Variants in NEB observed in about 807,000 individuals in gnomAD.
NEB encodes the protein nebulin, also known as nemaline myopathy type 2.
A neutral mutation model predicts 952.2 loss-of-function variants in NEB; 512 were observed. The observed-to-expected ratio is 0.54, with a 90% confidence interval of 0.50 to 0.58. The LOEUF (loss-of-function observed/expected upper bound fraction) is 0.58, where lower values mean the gene tolerates loss of function less well. Ranked by LOEUF, NEB falls within the 20% of genes least tolerant of loss-of-function variation. The probability of loss-of-function intolerance (pLI) is 0.00; values close to 1 mark genes in which losing one functional copy is unlikely to be tolerated. For synonymous variants in NEB, 2,900 were observed against 3,149.8 expected (o/e 0.92, Z 2.66); for missense variants, 8,428 against 9,231.1 (o/e 0.91, Z 3.56).
In NEB at chr2:151,501,395, C is replaced by G; in HGVS notation, c.24017G>C (p.Ser8006Thr). ...ERVKLNQENFSSVLYKENVGK... is the reference protein window; with the variant it reads ...ERVKLNQENFTSVLYKENVGK... ...AAAGAGCTTTCTCCCAAATACCGAG[C>G]TAAAGTTTTCTTGATTGAGTTTGAC... The change falls in exon 168 of 182, where the codon AGC (serine) becomes ACC (threonine). Residue 8006 changes from serine to threonine, a missense_variant. Coordinates refer to ENST00000397345, the MANE Select transcript of NEB (RefSeq NM_001164508.2). The G allele has an allele frequency of 1.9e-6, 3 of 1,546,286 alleles. No homozygotes were observed. The highest frequency in any genetic ancestry group is 2.6e-6 in the Non-Finnish European group (3 of 1,142,720).
intron 134 of NEB, 93 bp from the exon 135 acceptor site, chr2:151,546,091 C>A: frequency 1.1e-6 from 1 of 886,568 alleles, no homozygotes; most frequent in Non-Finnish European, 1.7e-6. Context: ...CATGTGTAAG[C>A]TGAGCAGGGC....
intron 23 of NEB, 91 bp downstream of exon 23, chr2:151,691,773 A>T: frequency 1.0e-6 from 1 of 952,392 alleles, no homozygotes; most frequent in Non-Finnish European, 1.7e-6. Context: ...TCTAATCACT[A>T]GATATTAGCA....
chr2:151,553,424 T>G lies in NEB; in HGVS notation c.19705A>C (p.Lys6569Gln), dbSNP rs775171899. 3.1e-6 allele frequency: 5 copies of G among 1,613,414 alleles called. No homozygotes were observed. Among genetic ancestry groups the G allele is most frequent in the Middle Eastern group, 1.7e-4 (1 of 6,056 alleles). The change falls in exon 127 of 182, where the codon AAG becomes CAG. Residue 6569 changes from lysine to glutamine, a missense_variant. Physicochemically the swap from Lys to Gln is moderately conservative, Grantham distance 53. Coordinates refer to ENST00000397345, the MANE Select transcript of NEB (RefSeq NM_001164508.2). ...VWDTPEILHAKHAYDLRDDIK... is the reference protein window; with the variant it reads ...VWDTPEILHAQHAYDLRDDIK... ...TCATCACGTAGATCATAAGCATGCT[T>G]GGCATGGAGGATTTCAGGAGTGTCC...
At position 151,527,002 on chromosome 2, in the gene NEB, C is replaced by T. The variant is rs372808358; in HGVS notation, c.21861G>A (p.Arg7287=). The change falls in exon 148 of 182, where the codon CGG becomes CGA. Residue 7287 remains arginine, a synonymous_variant. Coordinates refer to ENST00000397345, the MANE Select transcript of NEB (RefSeq NM_001164508.2). ...AAAGCTTGCAACCCTTGAGGAACTC[C>T]CGGTCCAGCTTATATTCAAACTGTG... The part of the protein sequence containing the change: ...QQSDFEYKLD[R]EFLKGCKLSV... 245 of 1,599,036 alleles carry T rather than the reference C, an allele frequency of 1.5e-4. No individual in the cohort carries two copies. The highest frequency in any genetic ancestry group is 8.2e-4 in the Middle Eastern group (5 of 6,064).
At chr2:151,652,393 T>A (rs967543392) in intron 52 of NEB, among the ~76,000 whole-genome samples, 2 of 151,962 alleles carry the variant, frequency 1.3e-5, no homozygotes. Context: ...GCCCAGCTAA[T>A]TTTTTATTTT....
Position 151,659,057 on chromosome 2 carries a change from A to G in NEB, c.6075+8T>C. ...GAGAAAGATGACAACAGGGGGAACT[A>G]TACTTACATCACTCATATTAATTGC... On this transcript the variant is annotated splice_region_variant and intron_variant, in intron 47 of 181. Coordinates refer to ENST00000397345, the MANE Select transcript of NEB (RefSeq NM_001164508.2). 2 of 1,549,536 alleles carry G rather than the reference A, an allele frequency of 1.3e-6. No homozygotes were observed. Among genetic ancestry groups the G allele is most frequent in the Non-Finnish European group, 1.8e-6 (2 of 1,121,294 alleles).
At chr2:151,640,816 T>A in intron 60 of NEB, 150 bp from the exon 61 acceptor site, 1 of 674,848 alleles carries the variant, frequency 1.5e-6, no homozygotes. Flanking sequence ...AAAATAAATA[T>A]AGCACATATC....
chr2:151,656,265 G>T lies in NEB; in HGVS notation c.6383C>A (p.Ala2128Asp). The T allele has an allele frequency of 6.2e-7, 1 of 1,613,494 alleles. No homozygotes were observed. Among genetic ancestry groups the T allele is most frequent in the Non-Finnish European group, 8.5e-7 (1 of 1,179,644 alleles). The change falls in exon 49 of 182, where the codon GCC (alanine) becomes GAC (aspartate). Residue 2128 changes from alanine (A) to aspartate (D), a missense_variant. Transcript: ENST00000397345. ...GTTAGTGTTGGTGATGTTGGCTTGGGCATCCTTTGCAGCCGTGACACTGAG... is the reference window on the plus strand; with the variant it reads ...GTTAGTGTTGGTGATGTTGGCTTGGTCATCCTTTGCAGCCGTGACACTGAG... The part of the protein sequence containing the change: ...DMLSVTAAKD[A>D]QANITNTNYK...
At chr2:151,562,541 G>C (rs1559956397) in intron 120 of NEB, 70 bp downstream of exon 120, 2 of 1,393,282 alleles carry the variant, frequency 1.4e-6, no homozygotes, top group Non-Finnish European at 9.6e-7. Flanking sequence ...ATGGCAGCCA[G>C]GGTTGGGGGG....
chr2:151,611,634 G>A lies in NEB; in HGVS notation c.11805+552C>T, dbSNP rs554675179. On this transcript the variant is annotated intron_variant, in intron 78 of 181. Coordinates refer to ENST00000397345, the MANE Select transcript of NEB (RefSeq NM_001164508.2). ...CTGACTCATTGGATAAAAATAGATT[G>A]ATAAAATTTTGGATGAAACAAATGA... Among the ~76,000 whole-genome samples, 4 of 152,274 alleles carry A rather than the reference G, an allele frequency of 2.6e-5. No homozygotes were observed. The South Asian group carries it at 8.3e-4, about 32-fold the overall frequency.
At chr2:151,694,270 C>T (rs765081383) in intron 20 of NEB, 53 bp downstream of exon 20, 67 of 1,465,010 alleles carry the variant, frequency 4.6e-5, no homozygotes, top group Non-Finnish European at 6.1e-5. Flanking sequence ...TTATATTAAA[C>T]AGCAACTTTG....
rs370986655 is a variant in NEB at position 151,692,112 on chromosome 2, T to C, written c.2053A>G (p.Met685Val). The change falls in exon 22 of 182, where the codon ATG becomes GTG. Residue 685 changes from methionine (M) to valine (V), a missense_variant. Transcript: ENST00000397345. The part of the protein sequence containing the change: ...KDVLGHYVGS[M>V]EDPYHTHCMK... ...CAGTGTGTGTGATATGGGTCCTCCA[T>C]GCTGCCTACATAATGTCCCAAAACA... is the stretch of plus-strand genomic sequence containing the variant. The C allele has an allele frequency of 1.9e-6, 3 of 1,613,922 alleles. No homozygotes were observed. The highest frequency in any genetic ancestry group is 2.7e-5 in the African/African-American group (2 of 74,956).
chr2:151,729,640 ACTT>A lies in NEB; in HGVS notation c.50_52del (p.Glu17del), dbSNP rs760256873. 3.7e-6 allele frequency: 6 copies of A among 1,613,364 alleles called. No individual in the cohort carries two copies. Among genetic ancestry groups the A allele is most frequent in the South Asian group, 1.1e-5 (1 of 91,078 alleles). On this transcript the variant is annotated inframe_deletion, in exon 4 of 182. Coordinates refer to ENST00000397345, the MANE Select transcript of NEB (RefSeq NM_001164508.2). ...CTCTCCCGGCACCTCTTCGTAAACC[ACTT>A]CTTCTGTGTAGTACTGTAAATAGAG...
intron 130 of NEB, among the ~76,000 whole-genome samples, chr2:151,549,273 C>T (rs1290095089): frequency 6.6e-6 from 1 of 152,116 alleles, no homozygotes; most frequent in Non-Finnish European, 1.5e-5. Flanking sequence ...ATACTATCAC[C>T]ACACCTCAGT....
intron 13 of NEB, among the ~76,000 whole-genome samples, chr2:151,706,438 A>T (rs2099706624): frequency 6.6e-6 from 1 of 152,112 alleles, no homozygotes; most frequent in Non-Finnish European, 1.5e-5. Flanking sequence ...GCTCTTAATA[A>T]TTACACAATT....
At chr2:151,626,700 C>A (rs1447238085) in intron 70 of NEB, among the ~76,000 whole-genome samples, 1 of 152,058 alleles carries the variant, frequency 6.6e-6, no homozygotes, top group Non-Finnish European at 1.5e-5. Context: ...CCATGCCCGG[C>A]TAATTTTTTG....
intron 130 of NEB, among the ~76,000 whole-genome samples, chr2:151,548,893 C>T (rs1256920517): frequency 6.6e-6 from 1 of 152,132 alleles, no homozygotes; most frequent in Non-Finnish European, 1.5e-5. Flanking sequence ...TTTCTGGCCA[C>T]TAGGTTTGAT....
At chr2:151,668,967 G>T in intron 39 of NEB, 60 bp downstream of exon 39, 2 of 1,266,152 alleles carry the variant, frequency 1.6e-6, no homozygotes, top group Non-Finnish European at 2.2e-6. Flanking sequence ...AGCAAGAGTT[G>T]CAAAGAACCA....
intron 30 of NEB, 29 bp from the exon 31 acceptor site, chr2:151,680,051 C>T (rs1559174792): frequency 1.4e-6 from 2 of 1,471,942 alleles, no homozygotes. Context: ...CATAAACAAA[C>T]AAATAAAGTA....
Sources: allele counts gnomAD v4.1 joint callset (sites outside exome capture counted in the v4.1 genomes callset), GRCh38; gene constraint gnomAD v4.1.1; transcripts MANE v1.5; gene names NCBI Gene and HGNC (gene_info 2026-07-23, HGNC 2026-07-21).